Variants in PPP3CA observed in about 807,000 individuals in gnomAD.
PPP3CA encodes the protein protein phosphatase 3 catalytic subunit alpha.
PPP3CA carries 14 observed loss-of-function variants against 66.5 expected under a neutral mutation model. That is an observed-to-expected ratio of 0.21 (90% CI 0.14 to 0.33). The LOEUF is 0.33. Among genes scored for constraint, PPP3CA ranks in the 10% least tolerant of loss-of-function variants. The pLI is 1.00. For missense variants in PPP3CA, 317 were observed against 639.5 expected (o/e 0.50, Z 5.44); for synonymous variants, 232 against 226.2 (o/e 1.03, Z -0.23).
At chr4:101,102,702 G>T (rs1730501298) in intron 3 of PPP3CA, among the ~76,000 whole-genome samples, 1 of 152,088 alleles carries the variant, frequency 6.6e-6, no homozygotes, top group Admixed American at 6.5e-5. Flanking sequence ...TTTAAAAAAG[G>T]GAAGTCTCTT....
intron 2 of PPP3CA, among the ~76,000 whole-genome samples, chr4:101,160,689 T>A (rs1452347323): frequency 6.6e-6 from 1 of 152,060 alleles, no homozygotes; most frequent in African/African-American, 2.4e-5. Flanking sequence ...GTGATTTTCA[T>A]GAATCAATAG....
chr4:101,346,950 A>C lies in PPP3CA; in HGVS notation c.-154T>G. 1.2e-6 allele frequency: 1 copy of C among 835,434 alleles called. No homozygotes were observed. Among genetic ancestry groups the C allele is most frequent in the Non-Finnish European group, 1.9e-6 (1 of 537,090 alleles). The allele number at this position is 835,434 out of a possible 1,614,324, so 51.8% of individuals were successfully genotyped here. On this transcript the variant is annotated 5_prime_UTR_variant, in exon 1 of 14. Transcript: ENST00000394854. ...AGGTCTAGGCTCTGAGCTGGCTTTA[A>C]AGTTGCTGCCTTTTCCGCGCGTCCC...
chr4:101,345,230 G>GA (rs1338793208), intron 1 of PPP3CA, among the ~76,000 whole-genome samples: 2 of 152,026 alleles, frequency 1.3e-5, no homozygotes, highest in African/African-American at 2.4e-5. Flanking sequence ...TGTTCTTTCT[G>GA]AAAAAAGGGA....
At chr4:101,343,157 T>C (rs1578206323) in intron 1 of PPP3CA, among the ~76,000 whole-genome samples, 2 of 152,196 alleles carry the variant, frequency 1.3e-5, no homozygotes, top group Non-Finnish European at 2.9e-5. Context: ...CTAAAATTTC[T>C]ACCATTACCA....
At chr4:101,327,239 G>A (rs1729235595) in intron 1 of PPP3CA, among the ~76,000 whole-genome samples, 1 of 152,136 alleles carries the variant, frequency 6.6e-6, no homozygotes, top group Non-Finnish European at 1.5e-5. Context: ...GACAATTGAA[G>A]TCTAATCAAA....
At chr4:101,238,185 A>C (rs541420804) in intron 1 of PPP3CA, among the ~76,000 whole-genome samples, 1 of 152,228 alleles carries the variant, frequency 6.6e-6, no homozygotes, top group African/African-American at 2.4e-5. Flanking sequence ...AAAGCATAAG[A>C]CAACAGTAAA....
chr4:101,179,337 T>C (rs527260695), intron 2 of PPP3CA, among the ~76,000 whole-genome samples: 10 of 152,230 alleles, frequency 6.6e-5, no homozygotes, highest in African/African-American at 2.4e-4. Context: ...CCCAAGGAAA[T>C]TATTACCTTG....
Position 101,346,723 on chromosome 4 carries a change from G to A in PPP3CA, c.58+16C>T, listed in dbSNP as rs1361102672. ...CGGCACACGGTGCACCCAGGCCACCGCGGCGCTCCGCTTACCTTTCACCAC... is the reference window on the plus strand; with the variant it reads ...CGGCACACGGTGCACCCAGGCCACCACGGCGCTCCGCTTACCTTTCACCAC... On this transcript the variant is annotated intron_variant, in intron 1 of 13. Coordinates refer to ENST00000394854, the MANE Select transcript of PPP3CA (RefSeq NM_000944.5). The A allele has an allele frequency of 3.1e-6, 5 of 1,608,174 alleles. No homozygotes were observed. Among genetic ancestry groups the A allele is most frequent in the African/African-American group, 2.7e-5 (2 of 74,710 alleles).
chr4:101,284,331 T>G (rs1727770767), intron 1 of PPP3CA, among the ~76,000 whole-genome samples: 1 of 152,154 alleles, frequency 6.6e-6, no homozygotes, highest in South Asian at 2.1e-4. Flanking sequence ...CTCACATGAC[T>G]CCTGGACACC....
At chr4:101,317,092 C>G (rs1354310395) in intron 1 of PPP3CA, among the ~76,000 whole-genome samples, 1 of 151,962 alleles carries the variant, frequency 6.6e-6, no homozygotes, top group Non-Finnish European at 1.5e-5. Context: ...TATCTATCTC[C>G]TCTCTCAAAA....
intron 1 of PPP3CA, among the ~76,000 whole-genome samples, chr4:101,344,874 A>G (rs1729929627): frequency 6.6e-6 from 1 of 152,196 alleles, no homozygotes. Context: ...TTGAATTATA[A>G]GCTTTACATT....
intron 10 of PPP3CA, among the ~76,000 whole-genome samples, chr4:101,051,838 C>G (rs1044274026): frequency 4.6e-5 from 7 of 152,084 alleles, no homozygotes; most frequent in African/African-American, 1.7e-4. Flanking sequence ...TGAATAAAAA[C>G]TAATGCTATA....
intron 1 of PPP3CA, among the ~76,000 whole-genome samples, chr4:101,200,838 G>C (rs994564294): frequency 6.6e-6 from 1 of 152,030 alleles, no homozygotes; most frequent in Non-Finnish European, 1.5e-5. Flanking sequence ...AACGTCAAAG[G>C]ATTAGTCACT....
chr4:101,223,630 A>G (rs1163901719), intron 1 of PPP3CA, among the ~76,000 whole-genome samples: 1 of 151,848 alleles, frequency 6.6e-6, no homozygotes, highest in African/African-American at 2.4e-5. Flanking sequence ...CACATATGAA[A>G]GCATTCATTC....
chr4:101,328,408 A>G (rs1729271073), intron 1 of PPP3CA, among the ~76,000 whole-genome samples: 2 of 152,208 alleles, frequency 1.3e-5, no homozygotes, highest in South Asian at 4.1e-4. Flanking sequence ...TAGTAAATGA[A>G]AAATTCTGAT....
chr4:101,075,855 ATTAT>A (rs1222743174), intron 8 of PPP3CA, among the ~76,000 whole-genome samples: 2 of 152,154 alleles, frequency 1.3e-5, no homozygotes, highest in Non-Finnish European at 2.9e-5. Context: ...CATTGGTGGA[ATTAT>A]TTATTTAATG....
At chr4:101,103,695 G>A (rs1730542729) in intron 3 of PPP3CA, among the ~76,000 whole-genome samples, 1 of 152,206 alleles carries the variant, frequency 6.6e-6, no homozygotes. Context: ...CTGGATCTAA[G>A]TTGAGAAGCC....
chr4:101,026,029 T>C lies in PPP3CA; in HGVS notation c.1402A>G (p.Thr468Ala). 1 of 1,605,766 alleles carries C rather than the reference T, an allele frequency of 6.2e-7. No homozygotes were observed. Among genetic ancestry groups the C allele is most frequent in the Non-Finnish European group, 8.5e-7 (1 of 1,177,566 alleles). ...AAGCCCTTGGCTTCCTCGAAGCTAG[T>C]GATCTTATGTTGTGGTGAAAATCCT... ...IKGFSPQHKITSFEEAKGLDR... is the reference protein window; with the variant it reads ...IKGFSPQHKIASFEEAKGLDR... Residue 468 changes from threonine (T) to alanine (A), a missense_variant, in exon 14 of 14, where the codon ACT becomes GCT. This residue lies in a region of PPP3CA where 201 missense variants were observed against 501.4 expected (regional missense o/e 0.40). Coordinates refer to ENST00000394854, the MANE Select transcript of PPP3CA (RefSeq NM_000944.5).
intron 8 of PPP3CA, among the ~76,000 whole-genome samples, chr4:101,072,734 T>TA (rs1728969599): frequency 6.6e-6 from 1 of 151,854 alleles, no homozygotes; most frequent in Non-Finnish European, 1.5e-5. Flanking sequence ...CTGAAGATTT[T>TA]AAAAAATATG....
Sources: allele counts gnomAD v4.1 joint callset (sites outside exome capture counted in the v4.1 genomes callset), GRCh38; gene constraint gnomAD v4.1.1; regional missense constraint gnomAD v4.1.1; transcripts MANE v1.5; gene names NCBI Gene and HGNC (gene_info 2026-07-23, HGNC 2026-07-21).